The following DTWD2 variants were observed in gnomAD, a reference collection of about 807,000 sequenced individuals.
The protein encoded by DTWD2 is DTW motif tRNA-uridine aminocarboxypropyltransferase 2.
In DTWD2, 39 loss-of-function variants were observed where a neutral mutation model predicts 31.8. The ratio of observed to expected loss-of-function variants is 1.22; its 90% confidence interval spans 0.95 to 1.60. DTWD2 has a LOEUF of 1.60. Among genes scored for constraint, DTWD2 ranks in the 40% most tolerant of loss-of-function variants. The pLI, the probability that DTWD2 is intolerant of heterozygous loss-of-function variation, is 0.00. For missense variants in DTWD2, 515 were observed against 381.5 expected (o/e 1.35, Z -2.92); for synonymous variants, 180 against 142.8 (o/e 1.26, Z -1.86).
intron 4 of DTWD2, among the ~76,000 whole-genome samples, chr5:118,874,421 A>T (rs770987962): frequency 1.3e-5 from 2 of 152,236 alleles, no homozygotes; most frequent in Non-Finnish European, 2.9e-5. Context: ...TGTTATTTAC[A>T]GAAGTACATT....
rs767561052 is a variant in DTWD2, at chr5:118,939,258, T to C, written c.342A>G (p.Leu114=). The C allele has an allele frequency of 9.4e-6, 15 of 1,600,754 alleles. No individual in the cohort carries two copies. Among genetic ancestry groups the C allele is most frequent in the Non-Finnish European group, 1.3e-5 (15 of 1,173,218 alleles). Residue 114 remains leucine, a synonymous_variant, in exon 3 of 6, where the codon CTA becomes CTG. Transcript: ENST00000510708. ...ENKVLRTVPL[L]AACLPQDKCK... is the part of the protein sequence containing the mutation. ...ACTTGTCCTGGGGGAGGCATGCTGC[T>C]AGTAGAGGAACTGTACGCAACACTT...
intron 4 of DTWD2, among the ~76,000 whole-genome samples, chr5:118,926,752 T>G (rs1281800693): frequency 1.3e-5 from 2 of 152,082 alleles, no homozygotes; most frequent in Non-Finnish European, 2.9e-5. Flanking sequence ...GCACCCAGGC[T>G]GGAGTGCAGT....
chr5:118,867,205 T>A (rs1466868423), intron 4 of DTWD2, among the ~76,000 whole-genome samples: 4 of 152,142 alleles, frequency 2.6e-5, no homozygotes, highest in African/African-American at 9.7e-5. Flanking sequence ...TAATGATTTA[T>A]AAACTTTACA....
intron 2 of DTWD2, among the ~76,000 whole-genome samples, chr5:118,939,767 A>G (rs571506944): frequency 6.6e-6 from 1 of 152,318 alleles, no homozygotes; most frequent in African/African-American, 2.4e-5. Flanking sequence ...TTTAAAAAAG[A>G]AAACAAAACA....
At chr5:118,942,212 T>C (rs1016432316) in intron 2 of DTWD2, among the ~76,000 whole-genome samples, 3 of 152,098 alleles carry the variant, frequency 2.0e-5, no homozygotes, top group Non-Finnish European at 1.5e-5. Context: ...AACTGGAAAA[T>C]TCCTTTGCTA....
rs1751673180 is a variant in DTWD2, at chr5:118,839,999, T to C, written c.*918A>G. ...TCTTCCTGCCAAAATGTGTACATAA[T>C]TGCAGTAGACTTGTGCTGAATATAC... On this transcript the variant is annotated 3_prime_UTR_variant, in exon 6 of 6. Coordinates refer to ENST00000510708, the MANE Select transcript of DTWD2 (RefSeq NM_173666.4). 6.6e-6 allele frequency: 1 copy of C among 152,196 alleles called. No homozygotes were observed. Among genetic ancestry groups the C allele is most frequent in the African/African-American group, 2.4e-5 (1 of 41,448 alleles). The allele number at this position is 152,196 out of a possible 1,614,324, so 9.4% of individuals were successfully genotyped here.
chr5:118,882,745 A>C (rs1486083956), intron 4 of DTWD2, among the ~76,000 whole-genome samples: 1 of 152,194 alleles, frequency 6.6e-6, no homozygotes, highest in Non-Finnish European at 1.5e-5. Flanking sequence ...ATGGCTGGAG[A>C]TGGAGCTTCG....
intron 4 of DTWD2, among the ~76,000 whole-genome samples, chr5:118,911,049 A>C (rs568018180): frequency 5.3e-5 from 8 of 152,362 alleles, no homozygotes; most frequent in African/African-American, 1.7e-4. Flanking sequence ...AGACATAAAA[A>C]TTCGAGCACA....
At chr5:118,981,528 CAAACAAT>C (rs1486896119) in intron 1 of DTWD2, among the ~76,000 whole-genome samples, 2 of 145,268 alleles carry the variant, frequency 1.4e-5, no homozygotes, top group South Asian at 2.3e-4. Flanking sequence ...AACAAGCAAA[CAAACAAT>C]AAACTCAGCA....
At chr5:118,969,618 C>T (rs950587729) in intron 1 of DTWD2, among the ~76,000 whole-genome samples, 5 of 152,130 alleles carry the variant, frequency 3.3e-5, no homozygotes, top group East Asian at 3.8e-4. Flanking sequence ...GAAAAACAAA[C>T]GAACGGAAAA....
intron 1 of DTWD2, chr5:118,988,026 A>C (rs1177008670): frequency 2.9e-6 from 2 of 694,100 alleles, no homozygotes; most frequent in Non-Finnish European, 5.3e-6. Flanking sequence ...TGGACGCTTA[A>C]GTTTCTTGGA....
At chr5:118,880,739 T>C (rs182119925) in intron 4 of DTWD2, among the ~76,000 whole-genome samples, 3 of 152,300 alleles carry the variant, frequency 2.0e-5, no homozygotes, top group African/African-American at 7.2e-5. Context: ...TACTCTTTCC[T>C]AGCAGGCTAG....
intron 1 of DTWD2, among the ~76,000 whole-genome samples, chr5:118,970,351 C>A (rs1375843063): frequency 6.6e-6 from 1 of 152,084 alleles, no homozygotes; most frequent in Non-Finnish European, 1.5e-5. Flanking sequence ...CACTTGAACC[C>A]GGGAGGTGGA....
intron 4 of DTWD2, among the ~76,000 whole-genome samples, chr5:118,862,123 A>ATT (rs942838128): frequency 2.6e-5 from 4 of 152,348 alleles, no homozygotes; most frequent in Admixed American, 2.6e-4. Flanking sequence ...CCTATCATGA[A>ATT]TTGCACATGA....
intron 4 of DTWD2, among the ~76,000 whole-genome samples, chr5:118,895,642 T>C (rs888937411): frequency 6.6e-6 from 1 of 152,156 alleles, no homozygotes; most frequent in African/African-American, 2.4e-5. Flanking sequence ...CAAAATAGTA[T>C]GGCACTAGCA....
intron 1 of DTWD2, among the ~76,000 whole-genome samples, chr5:118,986,228 G>A (rs996419746): frequency 3.9e-5 from 6 of 152,252 alleles, no homozygotes; most frequent in Middle Eastern, 3.4e-3. Context: ...GGGAATGGGG[G>A]ATAGGAAAGG....
intron 3 of DTWD2, among the ~76,000 whole-genome samples, chr5:118,938,149 G>C (rs760700121): frequency 1.2e-4 from 19 of 152,006 alleles, no homozygotes; most frequent in Non-Finnish European, 4.4e-5. Context: ...CCAAGGTAAA[G>C]ATGTTGGCTT....
intron 4 of DTWD2, among the ~76,000 whole-genome samples, chr5:118,897,163 T>C (rs1052595173): frequency 2.6e-5 from 4 of 152,134 alleles, no homozygotes; most frequent in African/African-American, 9.7e-5. Context: ...AGTGAAAGAA[T>C]ACAAAGCAAA....
intron 4 of DTWD2, among the ~76,000 whole-genome samples, chr5:118,866,061 C>A (rs1005783037): frequency 2.6e-5 from 4 of 151,726 alleles, no homozygotes; most frequent in Non-Finnish European, 5.9e-5. Flanking sequence ...AGGAGAGTAA[C>A]TGATGACCCT....
Sources: gnomAD v4.1 joint callset for allele counts (sites outside exome capture counted in the v4.1 genomes callset) on GRCh38, gnomAD v4.1.1 for gene constraint, MANE v1.5 for transcripts, NCBI Gene and HGNC (gene_info 2026-07-23, HGNC 2026-07-21) for gene names.